FRRS1L: variants seen among roughly 807,000 people sequenced by gnomAD.
FRRS1L encodes DOMON domain-containing protein FRRS1L.
A neutral mutation model predicts 28.6 loss-of-function variants in FRRS1L; 22 were observed. The ratio of observed to expected loss-of-function variants is 0.77; its 90% CI spans 0.55 to 1.10. FRRS1L has a LOEUF of 1.10. Ranked by LOEUF, FRRS1L falls within the 50% of genes least tolerant of loss-of-function variation. The pLI is 0.00. For missense variants in FRRS1L, 380 were observed against 386.9 expected (o/e 0.98, Z 0.15); for synonymous variants, 158 against 151.4 (o/e 1.04, Z -0.32).
At position 109,135,208 on chromosome 9, in the gene FRRS1L, A is replaced by T. The variant is rs1188758111; in HGVS notation, c.*2247T>A. The T allele has an allele frequency of 6.6e-6, 1 of 152,198 alleles. No individual in the cohort carries two copies. Among genetic ancestry groups the T allele is most frequent in the Non-Finnish European group, 1.5e-5 (1 of 68,034 alleles). 9.4% of individuals were successfully genotyped at this position (152,198 alleles called of 1,614,324 possible). A position where few individuals can be genotyped will look rare whatever the true frequency, so the allele number is the denominator to read the frequency against. ...AAATCACAATCACCAGTGTTGCTCA[A>T]TCATAAAGCCCACGAAGTTGGAACC... On this transcript the variant is annotated 3_prime_UTR_variant, in exon 5 of 5. Transcript: ENST00000561981.
intron 3 of FRRS1L, among the ~76,000 whole-genome samples, chr9:109,144,317 A>G (rs895347969): frequency 2.9e-4 from 44 of 152,234 alleles, no homozygotes; most frequent in African/African-American, 1.0e-3. Context: ...GTCTTTTCCT[A>G]CGACACACCT....
At chr9:109,159,134 A>T (rs1319019834) in intron 1 of FRRS1L, among the ~76,000 whole-genome samples, 2 of 152,142 alleles carry the variant, frequency 1.3e-5, no homozygotes, top group African/African-American at 2.4e-5. Context: ...ATGTCTTTTT[A>T]AAGCTTTTTT....
intron 3 of FRRS1L, among the ~76,000 whole-genome samples, chr9:109,142,124 A>G (rs7022699): frequency 0.37 from 56,820 of 152,028 alleles, 11,366 homozygotes; most frequent in Non-Finnish European, 0.44. Context: ...TAATAATACC[A>G]TCATATCAAT....
intron 3 of FRRS1L, among the ~76,000 whole-genome samples, chr9:109,146,111 C>A (rs774013092): frequency 6.6e-5 from 10 of 151,408 alleles, no homozygotes; most frequent in African/African-American, 2.2e-4. Context: ...GCAGGAGAAT[C>A]GCTTGAACCT....
In FRRS1L at chr9:109,167,121, C is replaced by T; in HGVS notation, c.18G>A (p.Arg6=). 1 of 1,164,338 alleles carries T rather than the reference C, an allele frequency of 8.6e-7. No individual in the cohort carries two copies. Among genetic ancestry groups the T allele is most frequent in the Non-Finnish European group, 1.1e-6 (1 of 946,886 alleles). The allele number at this position is 1,164,338 out of a possible 1,614,324, so 72.1% of individuals were successfully genotyped here. The part of the protein sequence containing the change: MARPP[R]QHPGVWASLL... ...GCGACGCCCAGACCCCCGGGTGCTG[C>T]CGGGGCGGCCGCGCCATCCGTGCGC... is the stretch of plus-strand genomic sequence containing the variant. Residue 6 remains arginine, a synonymous_variant, in exon 1 of 5, where the codon CGG becomes CGA. Transcript: ENST00000561981.
intron 1 of FRRS1L, among the ~76,000 whole-genome samples, chr9:109,161,240 TC>T (rs1469567630): frequency 6.6e-6 from 1 of 152,150 alleles, no homozygotes; most frequent in African/African-American, 2.4e-5. Context: ...CTCTGTCCGT[TC>T]CCCCATTTTT....
chr9:109,164,556 G>A (rs1244387037), intron 1 of FRRS1L, among the ~76,000 whole-genome samples: 3 of 151,926 alleles, frequency 2.0e-5, no homozygotes, highest in Non-Finnish European at 2.9e-5. Flanking sequence ...GCACCACCAC[G>A]CCCGGCTAAT....
At chr9:109,145,743 T>C (rs1831251006) in intron 3 of FRRS1L, among the ~76,000 whole-genome samples, 1 of 150,158 alleles carries the variant, frequency 6.7e-6, no homozygotes, top group South Asian at 2.1e-4. Flanking sequence ...AAGGACAGGG[T>C]TCGGATGAGC....
In FRRS1L at chr9:109,131,529, T is replaced by C. The variant is rs1831056343; in HGVS notation, c.*5926A>G. 2 of 152,230 alleles carry C rather than the reference T, an allele frequency of 1.3e-5. No homozygotes were observed. 9.4% of individuals were successfully genotyped at this position (152,230 alleles called of 1,614,324 possible). A position where few individuals can be genotyped will look rare whatever the true frequency, so the allele number is the denominator to read the frequency against. ...GTATAAACACACACCATCATGTATG[T>C]ACAAATATACACATGCTCCTCAAGT... On this transcript the variant is annotated 3_prime_UTR_variant, in exon 5 of 5. Transcript: ENST00000561981.
intron 1 of FRRS1L, chr9:109,152,187 T>C (rs1465799224): frequency 2.0e-5 from 3 of 152,126 alleles, no homozygotes; most frequent in Admixed American, 6.5e-5. Flanking sequence ...CCTTGCTCTG[T>C]TGCCCAGGCT....
chr9:109,156,579 C>T (rs10979716), intron 1 of FRRS1L, among the ~76,000 whole-genome samples: 9,356 of 151,202 alleles, frequency 0.062, 348 homozygotes, highest in African/African-American at 0.086. Context: ...TTAGTAGAGA[C>T]GGGGTTTCAC....
At chr9:109,154,035 A>G (rs1831372557) in intron 1 of FRRS1L, among the ~76,000 whole-genome samples, 1 of 152,038 alleles carries the variant, frequency 6.6e-6, no homozygotes, top group African/African-American at 2.4e-5. Flanking sequence ...TGCTGTTCCA[A>G]TAAGCAAGTT....
At position 109,131,818 on chromosome 9, in the gene FRRS1L, A is replaced by G. The variant is rs1047251303; in HGVS notation, c.*5637T>C. On this transcript the variant is annotated 3_prime_UTR_variant, in exon 5 of 5. Transcript: ENST00000561981. ...AGAGAACAAGGACATACAATTATAC[A>G]CGGCAGCAAAGTATACACATCCCAG... is the stretch of plus-strand genomic sequence containing the variant. The G allele has an allele frequency of 1.3e-5, 2 of 152,216 alleles. No homozygotes were observed. Among genetic ancestry groups the G allele is most frequent in the Non-Finnish European group, 2.9e-5 (2 of 68,046 alleles). The allele number at this position is 152,216 out of a possible 1,614,324, so 9.4% of individuals were successfully genotyped here.
Position 109,133,001 on chromosome 9 carries a change from A to C in FRRS1L, c.*4454T>G, listed in dbSNP as rs1172974985. On this transcript the variant is annotated 3_prime_UTR_variant, in exon 5 of 5. Coordinates refer to ENST00000561981, the MANE Select transcript of FRRS1L (RefSeq NM_014334.4). ...CTTATGCACAAAATCCTGAATATAG[A>C]CAGTAAACTTAATTCCAGAAATAGT... The C allele has an allele frequency of 6.6e-6, 1 of 152,220 alleles. No individual in the cohort carries two copies. Among genetic ancestry groups the C allele is most frequent in the East Asian group, 1.9e-4 (1 of 5,200 alleles). 9.4% of individuals were successfully genotyped at this position (152,220 alleles called of 1,614,324 possible).
At chr9:109,150,583 C>T (rs948175895) in intron 1 of FRRS1L, 1 of 152,146 alleles carries the variant, frequency 6.6e-6, no homozygotes, top group East Asian at 1.9e-4. Context: ...TTACTTACCA[C>T]CATAATGCAT....
At chr9:109,159,859 C>T (rs1169651708) in intron 1 of FRRS1L, among the ~76,000 whole-genome samples, 3 of 152,172 alleles carry the variant, frequency 2.0e-5, no homozygotes, top group African/African-American at 7.2e-5. Context: ...CTCCAGCCTG[C>T]CGACCCAACC....
At chr9:109,149,901 T>C (rs771024411) in intron 1 of FRRS1L, 181 bp from the exon 2 acceptor site, 2 of 579,482 alleles carry the variant, frequency 3.5e-6, no homozygotes, top group Non-Finnish European at 3.1e-6. Flanking sequence ...CACACACCTT[T>C]GGACCTAATC....
Position 109,166,958 on chromosome 9 carries a change from A to T in FRRS1L, c.181T>A (p.Ser61Thr). The change falls in exon 1 of 5, where the codon TCC becomes ACC. Residue 61 changes from serine to threonine, a missense_variant. Coordinates refer to ENST00000561981, the MANE Select transcript of FRRS1L (RefSeq NM_014334.4). ...GADEAVPRHDSSYGTFAGEFY... is the reference protein window; with the variant it reads ...GADEAVPRHDTSYGTFAGEFY... The stretch of plus-strand genomic sequence containing the variant: ...TCCCCCGCGAAGGTGCCGTAGGAGG[A>T]GTCGTGGCGCGGCACCGCCTCGTCG... 7.4e-7 allele frequency: 1 copy of T among 1,343,972 alleles called. No homozygotes were observed. The highest frequency in any genetic ancestry group is 1.9e-5 in the South Asian group (1 of 52,292). 83.3% of individuals were successfully genotyped at this position (1,343,972 alleles called of 1,614,324 possible). A position where few individuals can be genotyped will look rare whatever the true frequency, so the allele number is the denominator to read the frequency against.
chr9:109,151,912 G>A (rs959221571), intron 1 of FRRS1L: 1 of 152,164 alleles, frequency 6.6e-6, no homozygotes, highest in African/African-American at 2.4e-5. Context: ...CAGTCCTGAG[G>A]CCATTTGTCT....
Sources: gnomAD v4.1 joint callset for allele counts (sites outside exome capture counted in the v4.1 genomes callset) on GRCh38, gnomAD v4.1.1 for gene constraint, MANE v1.5 for transcripts, NCBI Gene and HGNC (gene_info 2026-07-23, HGNC 2026-07-21) for gene names.